The following MBNL2 variants were observed in gnomAD, a reference collection of about 807,000 sequenced individuals.
MBNL2 encodes the protein muscleblind like splicing regulator 2.
Under a neutral mutation model 41.9 loss-of-function variants are expected in MBNL2, and 17 were observed. The ratio of observed to expected loss-of-function variants is 0.41; its 90% CI spans 0.28 to 0.61. MBNL2 has a LOEUF of 0.61. Among genes scored for constraint, MBNL2 ranks in the 20% least tolerant of loss-of-function variants. MBNL2 has a pLI of 0.35. For missense variants in MBNL2, 336 were observed against 505.6 expected (o/e 0.66, Z 3.22); for synonymous variants, 195 against 182.9 (o/e 1.07, Z -0.53).
intron 1 of MBNL2, among the ~76,000 whole-genome samples, chr13:97,237,752 A>G (rs926781786): frequency 6.6e-6 from 1 of 152,232 alleles, no homozygotes; most frequent in Non-Finnish European, 1.5e-5. Flanking sequence ...ATGTATTTCA[A>G]ACTTTATTCA....
chr13:97,276,477 G>T, intron 2 of MBNL2, 68 bp downstream of exon 2: 1 of 1,405,986 alleles, frequency 7.1e-7, no homozygotes, highest in Non-Finnish European at 9.9e-7. Context: ...GCTTTTCATT[G>T]CATTTTTACA....
At chr13:97,310,066 G>A (rs547640592) in intron 2 of MBNL2, among the ~76,000 whole-genome samples, 3 of 152,282 alleles carry the variant, frequency 2.0e-5, no homozygotes, top group East Asian at 3.9e-4. Flanking sequence ...GAGGACTGTC[G>A]GGCAGAGGAC....
chr13:97,313,745 C>T (rs1264476244), intron 2 of MBNL2, among the ~76,000 whole-genome samples: 1 of 152,180 alleles, frequency 6.6e-6, no homozygotes, highest in Non-Finnish European at 1.5e-5. Context: ...TAGCCACACA[C>T]ATTCTTTCAA....
intron 2 of MBNL2, among the ~76,000 whole-genome samples, chr13:97,327,935 G>A (rs1566419316): frequency 6.6e-6 from 1 of 152,134 alleles, no homozygotes; most frequent in African/African-American, 2.4e-5. Context: ...TGATGATGAT[G>A]ATTATGATGA....
chr13:97,371,799 T>G (rs943755368), intron 8 of MBNL2, among the ~76,000 whole-genome samples: 2 of 152,192 alleles, frequency 1.3e-5, no homozygotes. Flanking sequence ...AACATAAAAA[T>G]GATTTTGTAC....
intron 8 of MBNL2, among the ~76,000 whole-genome samples, chr13:97,385,408 A>T (rs544570927): frequency 6.6e-6 from 1 of 152,230 alleles, no homozygotes; most frequent in Non-Finnish European, 1.5e-5. Flanking sequence ...ATCCAAACTC[A>T]ACATTACAAA....
chr13:97,207,351 T>C, the MBNL2 span, among the ~76,000 whole-genome samples: 4 of 152,180 alleles, frequency 2.6e-5, no homozygotes, highest in African/African-American at 9.7e-5. Flanking sequence ...TACCCAAGAC[T>C]GGGCAATTTA....
intron 2 of MBNL2, among the ~76,000 whole-genome samples, chr13:97,324,624 G>A (rs577966346): frequency 2.6e-5 from 4 of 152,058 alleles, no homozygotes; most frequent in Non-Finnish European, 4.4e-5. Flanking sequence ...TGGGAGAATC[G>A]ACTCACACGA....
rs1476554017 is a variant in MBNL2, at chr13:97,226,096, G to T, written c.-605+3565G>T. Reference sequence around the variant, plus strand: ...ATAATATTCGTAGTAAAGAGCCAAAGGTGCTGCGTGGCTGGGTCTGCATCA... The same window carrying T: ...ATAATATTCGTAGTAAAGAGCCAAATGTGCTGCGTGGCTGGGTCTGCATCA... On this transcript the variant is annotated intron_variant, in intron 1 of 8. Coordinates refer to ENST00000679496, the MANE Select transcript of MBNL2 (RefSeq NM_001382683.1). Among the ~76,000 whole-genome samples the T allele has an allele frequency of 3.9e-5, 6 of 151,986 alleles. No individual in the cohort carries two copies. In the South Asian group the frequency reaches 8.3e-4, roughly 21 times the overall value.
the MBNL2 span, among the ~76,000 whole-genome samples, chr13:97,198,339 AG>A: frequency 6.6e-6 from 1 of 151,790 alleles, no homozygotes; most frequent in Non-Finnish European, 1.5e-5. Context: ...CTAGGTCTCA[AG>A]CCTGTTGGCC....
chr13:97,257,323 A>G (rs895612356), intron 1 of MBNL2, among the ~76,000 whole-genome samples: 1 of 152,226 alleles, frequency 6.6e-6, no homozygotes, highest in Non-Finnish European at 1.5e-5. Context: ...TTGGAAAATA[A>G]TGAACAAGTA....
At chr13:97,357,710 G>C in intron 7 of MBNL2, 75 bp downstream of exon 7, 1 of 1,432,424 alleles carries the variant, frequency 7.0e-7, no homozygotes, top group Non-Finnish European at 9.8e-7. Flanking sequence ...AAGCTGTTTG[G>C]TGGCATCTAG....
At chr13:97,353,964 T>C (rs2062745489) in intron 5 of MBNL2, among the ~76,000 whole-genome samples, 1 of 151,230 alleles carries the variant, frequency 6.6e-6, no homozygotes, top group East Asian at 2.0e-4. Flanking sequence ...CCCTCAGATC[T>C]GGTCTTTGCC....
chr13:97,309,817 G>A (rs1209350294), intron 2 of MBNL2, among the ~76,000 whole-genome samples: 1 of 152,230 alleles, frequency 6.6e-6, no homozygotes, highest in African/African-American at 2.4e-5. Flanking sequence ...AAATTGTACA[G>A]TGTTTCAACC....
Position 97,312,100 on chromosome 13 carries a change from C to T in MBNL2, c.175-22176C>T, listed in dbSNP as rs1025433849. Among the ~76,000 whole-genome samples, 8 of 152,074 alleles carry T rather than the reference C, an allele frequency of 5.3e-5. No homozygotes were observed. In the East Asian group the frequency reaches 7.7e-4, roughly 15 times the overall value. ...ATGGCATGTGAGAACATTCTGGAAACGATCCAGCATAGACAATAACTTGAA... is the reference window on the plus strand; with the variant it reads ...ATGGCATGTGAGAACATTCTGGAAATGATCCAGCATAGACAATAACTTGAA... On this transcript the variant is annotated intron_variant, in intron 2 of 8. Coordinates refer to ENST00000679496, the MANE Select transcript of MBNL2 (RefSeq NM_001382683.1).
At chr13:97,335,300 A>G (rs2060784441) in intron 3 of MBNL2, among the ~76,000 whole-genome samples, 1 of 149,270 alleles carries the variant, frequency 6.7e-6, no homozygotes. Flanking sequence ...TTTTTTTTTT[A>G]AAGAAAGGCA....
In MBNL2 at chr13:97,276,209, A is replaced by G. The variant is rs188817032; in HGVS notation, c.-27A>G. On this transcript the variant is annotated 5_prime_UTR_variant, in exon 2 of 9. Transcript: ENST00000679496. ...GGATTGATTTCATCATTTAACAGAA[A>G]CAAACAGCCCAAATTACTTTATCAC... 688 of 1,592,562 alleles carry G rather than the reference A, an allele frequency of 4.3e-4. 2 individuals are homozygous for G. In the African/African-American group the frequency reaches 7.4e-3, roughly 17 times the overall value.
intron 8 of MBNL2, among the ~76,000 whole-genome samples, chr13:97,384,182 T>G (rs571148803): frequency 1.2e-4 from 18 of 152,318 alleles, no homozygotes; most frequent in Admixed American, 3.3e-4. Context: ...ATTACAAGCA[T>G]GAGCCACTGC....
chr13:97,296,142 A>C, intron 2 of MBNL2, among the ~76,000 whole-genome samples: 1 of 152,212 alleles, frequency 6.6e-6, no homozygotes, highest in East Asian at 1.9e-4. Flanking sequence ...TGAGACACTC[A>C]TTTCCTCTCC....
Sources: gnomAD v4.1 joint callset for allele counts (sites outside exome capture counted in the v4.1 genomes callset) on GRCh38, gnomAD v4.1.1 for gene constraint, MANE v1.5 for transcripts, NCBI Gene and HGNC (gene_info 2026-07-23, HGNC 2026-07-21) for gene names.